PPP1R14C: variants seen among roughly 807,000 people sequenced by gnomAD.
PPP1R14C encodes protein phosphatase 1 regulatory subunit 14C.
PPP1R14C carries 16 observed loss-of-function variants against 20.4 expected under a neutral mutation model. The observed-to-expected ratio is 0.78, with a 90% CI of 0.53 to 1.19. The LOEUF (loss-of-function observed/expected upper bound fraction) is 1.19. PPP1R14C is among the 50% of genes most tolerant of loss of function. PPP1R14C has a pLI of 0.00. For missense variants in PPP1R14C, 211 were observed against 220.1 expected, an observed-to-expected ratio of 0.96 and a Z score of 0.26; for synonymous variants, 91 against 91.0, an observed-to-expected ratio of 1.00 and a Z score of 0.00.
intron 1 of PPP1R14C, among the ~76,000 whole-genome samples, chr6:150,205,234 C>A (rs1407414162): frequency 6.6e-6 from 1 of 152,018 alleles, no homozygotes; most frequent in Admixed American, 6.5e-5. Context: ...GTTGCTTTGC[C>A]GCCGCCCCCA....
At chr6:150,216,451 C>T (rs1778094107) in intron 2 of PPP1R14C, among the ~76,000 whole-genome samples, 1 of 151,986 alleles carries the variant, frequency 6.6e-6, no homozygotes, top group African/African-American at 2.4e-5. Context: ...GCTGAGATCG[C>T]ACCACTGCAC....
Position 150,143,424 on chromosome 6 carries a change from C to T in PPP1R14C, c.232C>T (p.Arg78Cys). The change falls in exon 1 of 4, where the codon CGT becomes TGT. Residue 78 changes from arginine to cysteine, a missense_variant. Coordinates refer to ENST00000361131, the MANE Select transcript of PPP1R14C (RefSeq NM_030949.3). The surrounding 1 kb of genome is among the most constrained non-coding windows in gnomAD (Gnocchi z 5.6). Reference sequence around the variant, plus strand: ...GGGAAAAGTGACAGTGAAATACGATCGTAAGGAGCTTCGGAAGCGGCTGGT... The same window carrying T: ...GGGAAAAGTGACAGTGAAATACGATTGTAAGGAGCTTCGGAAGCGGCTGGT... ...QQGKVTVKYD[R>C]KELRKRLVLE... 1 of 1,611,962 alleles carries T rather than the reference C, an allele frequency of 6.2e-7. No individual in the cohort carries two copies. Among genetic ancestry groups the T allele is most frequent in the African/African-American group, 1.3e-5 (1 of 74,788 alleles).
At chr6:150,229,013 A>G (rs1485073323) in intron 3 of PPP1R14C, among the ~76,000 whole-genome samples, 1 of 152,162 alleles carries the variant, frequency 6.6e-6, no homozygotes, top group Non-Finnish European at 1.5e-5. Context: ...CTGTGATTTT[A>G]TGGCCTTTTC....
chr6:150,193,104 A>G (rs1582911588), intron 1 of PPP1R14C, among the ~76,000 whole-genome samples: 1 of 152,160 alleles, frequency 6.6e-6, no homozygotes, highest in Admixed American at 6.5e-5. Context: ...CCTGGCAGAT[A>G]TGGGCCAAGC....
chr6:150,187,975 C>T (rs1374676320), intron 1 of PPP1R14C, among the ~76,000 whole-genome samples: 1 of 152,218 alleles, frequency 6.6e-6, no homozygotes, highest in Non-Finnish European at 1.5e-5. Context: ...CGAATAACCA[C>T]ATCACATTTA....
chr6:150,219,970 C>G (rs1778147185), intron 3 of PPP1R14C, among the ~76,000 whole-genome samples: 1 of 152,060 alleles, frequency 6.6e-6, no homozygotes, highest in Non-Finnish European at 1.5e-5. Flanking sequence ...ATGCTCGTGC[C>G]TCAGCCTCCT....
At chr6:150,179,619 A>G (rs577433964) in intron 1 of PPP1R14C, among the ~76,000 whole-genome samples, 1 of 152,190 alleles carries the variant, frequency 6.6e-6, no homozygotes, top group South Asian at 2.1e-4. Context: ...CTCATGTTTA[A>G]TCTCTGCCAT....
At chr6:150,175,960 G>T (rs1359730844) in intron 1 of PPP1R14C, among the ~76,000 whole-genome samples, 1 of 152,194 alleles carries the variant, frequency 6.6e-6, no homozygotes, top group African/African-American at 2.4e-5. Flanking sequence ...CTGGTAACAG[G>T]ATCTCTAAAC....
At chr6:150,195,095 A>C (rs1456008734) in intron 1 of PPP1R14C, 2 of 983,950 alleles carry the variant, frequency 2.0e-6, no homozygotes, top group East Asian at 2.3e-4. Context: ...TTTCAAGAGG[A>C]GGTTACTCAT....
intron 1 of PPP1R14C, among the ~76,000 whole-genome samples, chr6:150,196,498 C>G (rs774034310): frequency 3.3e-5 from 5 of 151,636 alleles, no homozygotes; most frequent in Admixed American, 2.6e-4. Flanking sequence ...GTATGTTCTC[C>G]TCAATCCAAA....
chr6:150,198,954 A>C (rs948284427), intron 1 of PPP1R14C, among the ~76,000 whole-genome samples: 2 of 152,190 alleles, frequency 1.3e-5, no homozygotes, highest in African/African-American at 4.8e-5. Flanking sequence ...GTTTTCTCCA[A>C]AAGATGTGCA....
intron 1 of PPP1R14C, among the ~76,000 whole-genome samples, chr6:150,160,615 G>A (rs1777356570): frequency 6.6e-6 from 1 of 152,000 alleles, no homozygotes; most frequent in South Asian, 2.1e-4. Context: ...GCCTCATTGT[G>A]TAGCTACATA....
intron 1 of PPP1R14C, among the ~76,000 whole-genome samples, chr6:150,183,008 T>C (rs1297220549): frequency 4.6e-5 from 7 of 152,210 alleles, no homozygotes; most frequent in Non-Finnish European, 1.0e-4. Flanking sequence ...AGTAAAAATA[T>C]GGTATTTTAA....
intron 1 of PPP1R14C, among the ~76,000 whole-genome samples, chr6:150,204,829 C>A (rs1240476746): frequency 6.6e-6 from 1 of 152,142 alleles, no homozygotes; most frequent in East Asian, 1.9e-4. Context: ...AGAAGCAGGG[C>A]AGCCTGGGGC....
At chr6:150,169,914 G>C (rs1289508188) in intron 1 of PPP1R14C, among the ~76,000 whole-genome samples, 1 of 152,240 alleles carries the variant, frequency 6.6e-6, no homozygotes, top group Non-Finnish European at 1.5e-5. Flanking sequence ...TCTGCAAACT[G>C]TTGGGGCCAT....
At chr6:150,237,491 C>A (rs1021368303) in intron 3 of PPP1R14C, among the ~76,000 whole-genome samples, 2 of 152,128 alleles carry the variant, frequency 1.3e-5, no homozygotes, top group Non-Finnish European at 2.9e-5. Context: ...GCGTGAGCCA[C>A]CATGCCTGGC....
chr6:150,169,332 T>C (rs1777472557), intron 1 of PPP1R14C, among the ~76,000 whole-genome samples: 1 of 152,186 alleles, frequency 6.6e-6, no homozygotes, highest in Non-Finnish European at 1.5e-5. Flanking sequence ...GATTCTGTTG[T>C]CATGGGAAAC....
chr6:150,221,095 C>G (rs1778161666), intron 3 of PPP1R14C, among the ~76,000 whole-genome samples: 1 of 152,158 alleles, frequency 6.6e-6, no homozygotes, highest in Non-Finnish European at 1.5e-5. Context: ...TTCAAAAAGG[C>G]TGGACACTTT....
intron 3 of PPP1R14C, among the ~76,000 whole-genome samples, chr6:150,223,491 A>C (rs1164637044): frequency 2.0e-5 from 3 of 152,198 alleles, no homozygotes; most frequent in Non-Finnish European, 4.4e-5. Context: ...GTTGCTCCAC[A>C]TCCTCACCAG....
Sources: gnomAD v4.1 joint callset for allele counts (sites outside exome capture counted in the v4.1 genomes callset) on GRCh38, gnomAD v4.1.1 for gene constraint, Gnocchi (gnomAD v3.1) non-coding constraint, MANE v1.5 for transcripts, NCBI Gene and HGNC (gene_info 2026-07-23, HGNC 2026-07-21) for gene names.